The following UNG variants were observed in gnomAD, a reference collection of about 807,000 sequenced individuals.
The protein encoded by UNG is uracil DNA glycosylase, also known as uracil-DNA glycosylase.
In UNG, 34 loss-of-function variants were observed where a neutral mutation model predicts 36.5. The observed-to-expected ratio is 0.93, with a 90% CI of 0.71 to 1.24. The LOEUF (loss-of-function observed/expected upper bound fraction) is 1.24. UNG is among the 50% of genes most tolerant of loss of function. The pLI, the probability that UNG is intolerant of heterozygous loss-of-function variation, is 0.00. For missense variants in UNG, 391 were observed against 397.6 expected (o/e 0.98, Z 0.14); for synonymous variants, 172 against 157.8 (o/e 1.09, Z -0.67).
chr12:109,098,285 C>T, intron 1 of UNG, 147 bp from the exon 2 acceptor site: 1 of 1,565,772 alleles, frequency 6.4e-7, no homozygotes, highest in Non-Finnish European at 8.6e-7. Flanking sequence ...GGGCCCAGCC[C>T]TGGGCTCTTA....
rs1180095001 is a variant in UNG, at chr12:109,110,960, G to T, written c.*991G>T. On this transcript the variant is annotated 3_prime_UTR_variant, in exon 7 of 7. Transcript: ENST00000242576. Reference sequence around the variant, plus strand: ...TTAGTCGGGTTAGAGTTGGCTCTACGCGAGGTTTGTTAATAAAAGTTTGTT... The same window carrying T: ...TTAGTCGGGTTAGAGTTGGCTCTACTCGAGGTTTGTTAATAAAAGTTTGTT... 6.6e-6 allele frequency: 1 copy of T among 152,082 alleles called. No homozygotes were observed. The highest frequency in any genetic ancestry group is 2.1e-4 in the South Asian group (1 of 4,822). 9.4% of individuals were successfully genotyped at this position (152,082 alleles called of 1,614,324 possible).
At position 109,103,538 on chromosome 12, in the gene UNG, A is replaced by C. The variant is rs1282120273; in HGVS notation, c.728A>C (p.Asn243Thr). 6.2e-7 allele frequency: 1 copy of C among 1,614,176 alleles called. No homozygotes were observed. Among genetic ancestry groups the C allele is most frequent in the South Asian group, 1.1e-5 (1 of 91,080 alleles). ...QFTDAVVSWLNQNSNGLVFLL... is the reference protein window; with the variant it reads ...QFTDAVVSWLTQNSNGLVFLL... ...ACTGATGCAGTTGTGTCCTGGCTAAATCAGAACTCGAATGGCCTTGTTTTC... is the reference window on the plus strand; with the variant it reads ...ACTGATGCAGTTGTGTCCTGGCTAACTCAGAACTCGAATGGCCTTGTTTTC... Residue 243 changes from asparagine to threonine, a missense_variant, in exon 6 of 7, where the codon AAT (asparagine) becomes ACT (threonine). Physicochemically the swap from Asn to Thr is moderately conservative, Grantham distance 65. Coordinates refer to ENST00000242576, the MANE Select transcript of UNG (RefSeq NM_080911.3).
intron 6 of UNG, among the ~76,000 whole-genome samples, chr12:109,107,651 G>A (rs1307984974): frequency 1.3e-5 from 2 of 150,188 alleles, no homozygotes; most frequent in East Asian, 3.9e-4. Flanking sequence ...TCAGCCTCCT[G>A]AGTAGCTGGG....
chr12:109,097,610 C>T lies in UNG; in HGVS notation c.-70C>T, dbSNP rs1050916118. 1.9e-6 allele frequency: 3 copies of T among 1,566,272 alleles called. No homozygotes were observed. The highest frequency in any genetic ancestry group is 2.7e-5 in the African/African-American group (2 of 73,420). ...CCGCTTGGCGCCAATTGCTGACCGCCACAGCCACAGCCAGGGCTAGCCTCG... is the reference window on the plus strand; with the variant it reads ...CCGCTTGGCGCCAATTGCTGACCGCTACAGCCACAGCCAGGGCTAGCCTCG... On this transcript the variant is annotated 5_prime_UTR_variant, in exon 1 of 7. Transcript: ENST00000242576.
At chr12:109,098,267 C>T (rs2042147612) in intron 1 of UNG, 165 bp from the exon 2 acceptor site, 3 of 1,525,212 alleles carry the variant, frequency 2.0e-6, no homozygotes, top group Non-Finnish European at 2.6e-6. Flanking sequence ...ATTCCCAATT[C>T]CCGGACCGGG....
Position 109,101,947 on chromosome 12 carries a change from C to G in UNG, c.481C>G (p.Gln161Glu). 7 of 1,614,096 alleles carry G rather than the reference C, an allele frequency of 4.3e-6. No homozygotes were observed. The highest frequency in any genetic ancestry group is 5.9e-6 in the Non-Finnish European group (7 of 1,179,998). ...LGQDPYHGPN[Q>E]AHGLCFSVQR... ...ACAGGATCCATATCATGGACCTAAT[C>G]AAGCTCACGGGCTCTGCTTTAGTGT... The change falls in exon 4 of 7, where the codon CAA becomes GAA. Residue 161 changes from glutamine to glutamate, a missense_variant. Transcript: ENST00000242576.
chr12:109,105,632 C>G (rs1303333556), intron 6 of UNG, among the ~76,000 whole-genome samples: 1 of 152,220 alleles, frequency 6.6e-6, no homozygotes, highest in Non-Finnish European at 1.5e-5. Context: ...CCTCTGCACT[C>G]CCTAGCAGCA....
intron 1 of UNG, 186 bp downstream of exon 1, chr12:109,097,997 C>G: frequency 7.9e-7 from 1 of 1,260,702 alleles, no homozygotes; most frequent in Non-Finnish European, 1.0e-6. Flanking sequence ...AAGGGCCAGC[C>G]AATGGGAACG....
chr12:109,104,863 G>C (rs944132389), intron 6 of UNG, among the ~76,000 whole-genome samples: 1 of 152,054 alleles, frequency 6.6e-6, no homozygotes, highest in Non-Finnish European at 1.5e-5. Context: ...AGGTAACGGG[G>C]GTATCAGAAA....
intron 6 of UNG, among the ~76,000 whole-genome samples, chr12:109,106,289 A>G (rs748172139): frequency 6.6e-6 from 1 of 152,128 alleles, no homozygotes; most frequent in Non-Finnish European, 1.5e-5. Flanking sequence ...TGGTACAGCT[A>G]CTGAGGGTAG....
Position 109,109,811 on chromosome 12 carries a change from ATTC to A in UNG, c.802-15_802-13del, listed in dbSNP as rs776472934. On this transcript the variant is annotated splice_polypyrimidine_tract_variant and intron_variant, in intron 6 of 6. Transcript: ENST00000242576. The stretch of plus-strand genomic sequence containing the variant: ...AAAAGTCCCAAATCTGCCACCATTT[ATTC>A]TTGATCTTTTTCAGAAGCGGCACCA... 6 of 1,611,118 alleles carry A rather than the reference ATTC, an allele frequency of 3.7e-6. No individual in the cohort carries two copies. Among genetic ancestry groups the A allele is most frequent in the Non-Finnish European group, 5.1e-6 (6 of 1,178,698 alleles).
chr12:109,100,471 C>G (rs1266964724), intron 3 of UNG, among the ~76,000 whole-genome samples: 1 of 152,094 alleles, frequency 6.6e-6, no homozygotes. Flanking sequence ...GGCAGCCACA[C>G]CTAATACTTA....
chr12:109,106,916 T>TATATACATATATACACATATATAC (rs1491420686), intron 6 of UNG, among the ~76,000 whole-genome samples: 1 of 40,162 alleles, frequency 2.5e-5, no homozygotes, highest in Admixed American at 2.4e-4. Context: ...TATATATATA[T>TATATACATATATACACATATATAC]GTGTATATAT....
chr12:109,098,016 G>T, intron 1 of UNG: 1 of 1,289,574 alleles, frequency 7.8e-7, no homozygotes, highest in Non-Finnish European at 1.0e-6. Flanking sequence ...CGCGTCTCGG[G>T]GCCCATGGCG....
chr12:109,099,255 A>C lies in UNG; in HGVS notation c.406A>C (p.Thr136Pro). The change falls in exon 3 of 7, where the codon ACC (threonine) becomes CCC (proline). Residue 136 changes from threonine to proline, a missense_variant. By Grantham distance (38) the Thr-to-Pro change is conservative. Coordinates refer to ENST00000242576, the MANE Select transcript of UNG (RefSeq NM_080911.3). ...TVYPPPHQVF[T>P]WTQMCDIKDV... is the part of the protein sequence containing the mutation. ...TTATCCACCCCCACACCAAGTCTTC[A>C]CCTGGACCCAGATGTGTGACATAAA... The C allele has an allele frequency of 6.2e-7, 1 of 1,614,132 alleles. No homozygotes were observed. Among genetic ancestry groups the C allele is most frequent in the South Asian group, 1.1e-5 (1 of 91,088 alleles).
rs1593326380 is a variant in UNG, at chr12:109,109,846, A to G, written c.819A>G (p.Leu273=). 1 of 1,613,932 alleles carries G rather than the reference A, an allele frequency of 6.2e-7. No homozygotes were observed. ...SAIDRKRHHV[L]QTAHPSPLSV... ...TTTTTCAGAAGCGGCACCATGTACT[A>G]CAGACGGCTCATCCCTCCCCTTTGT... is the stretch of plus-strand genomic sequence containing the variant. The change falls in exon 7 of 7, where the codon CTA becomes CTG. Residue 273 remains leucine (L), a synonymous_variant. Coordinates refer to ENST00000242576, the MANE Select transcript of UNG (RefSeq NM_080911.3).
In UNG at chr12:109,098,430, A is replaced by G. The variant is rs746878731; in HGVS notation, c.133-2A>G. The G allele has an allele frequency of 1.2e-6, 2 of 1,606,230 alleles. No homozygotes were observed. Among genetic ancestry groups the G allele is most frequent in the Non-Finnish European group, 1.7e-6 (2 of 1,176,554 alleles). On this transcript the variant is annotated splice_acceptor_variant, in intron 1 of 6. Transcript: ENST00000242576. LOFTEE classifies it high-confidence loss of function. ...AGCCGCCTCTGCGGGGACCACTTGC[A>G]GGCCATCCCAGCCAAGAAGGCCCCG...
At chr12:109,107,504 C>CACTG (rs2042226512) in intron 6 of UNG, among the ~76,000 whole-genome samples, 1 of 150,150 alleles carries the variant, frequency 6.7e-6, no homozygotes, top group Non-Finnish European at 1.5e-5. Context: ...CACACCTGGC[C>CACTG]ACTGACTATT....
At chr12:109,108,231 A>G (rs1467829642) in intron 6 of UNG, among the ~76,000 whole-genome samples, 3 of 152,206 alleles carry the variant, frequency 2.0e-5, no homozygotes, top group Non-Finnish European at 4.4e-5. Context: ...TTGTGTAGGT[A>G]CAACTGGTCC....
Sources: gnomAD v4.1 joint callset for allele counts (sites outside exome capture counted in the v4.1 genomes callset) on GRCh38, gnomAD v4.1.1 for gene constraint, MANE v1.5 for transcripts, NCBI Gene and HGNC (gene_info 2026-07-23, HGNC 2026-07-21) for gene names.